The following KCNT2 variants were observed in gnomAD, a reference collection of about 807,000 sequenced individuals.
KCNT2 encodes potassium channel subfamily T member 2.
Under a neutral mutation model 153.8 loss-of-function variants are expected in KCNT2, and 67 were observed. That is an observed-to-expected ratio of 0.44 (90% confidence interval 0.36 to 0.53). KCNT2 has a LOEUF of 0.53. Ranked by LOEUF, KCNT2 falls within the 20% of genes least tolerant of loss-of-function variation. The probability of loss-of-function intolerance (pLI) is 0.00; values close to 1 mark genes in which losing one functional copy is unlikely to be tolerated. For missense variants in KCNT2, 975 were observed against 1,354.8 expected (o/e 0.72, Z 4.40); for synonymous variants, 500 against 458.8 (o/e 1.09, Z -1.15).
intron 25 of KCNT2, among the ~76,000 whole-genome samples, chr1:196,269,136 A>C (rs952226038): frequency 3.3e-5 from 5 of 152,292 alleles, no homozygotes; most frequent in Admixed American, 2.6e-4. Flanking sequence ...GGTACAAATA[A>C]AATTGTGTAA....
At chr1:196,480,027 C>T (rs909580681) in intron 4 of KCNT2, among the ~76,000 whole-genome samples, 2 of 152,272 alleles carry the variant, frequency 1.3e-5, no homozygotes, top group South Asian at 2.1e-4. Context: ...TATCTTCCTA[C>T]GTATCCTTTT....
chr1:196,488,915 T>C (rs1212865664), intron 3 of KCNT2, among the ~76,000 whole-genome samples: 1 of 151,956 alleles, frequency 6.6e-6, no homozygotes, highest in African/African-American at 2.4e-5. Context: ...GAGAGAAGTA[T>C]GTGGGAGAGC....
At position 196,429,763 on chromosome 1, in the gene KCNT2, G is replaced by A; in HGVS notation, c.639-6C>T. On this transcript the variant is annotated splice_polypyrimidine_tract_variant and splice_region_variant and intron_variant, in intron 8 of 27. Coordinates refer to ENST00000294725, the MANE Select transcript of KCNT2 (RefSeq NM_198503.5). ...GATGTTGGATCCCACAAATGCTAAAGAAACAAATATGCATTACAATTAAAT... is the reference window on the plus strand; with the variant it reads ...GATGTTGGATCCCACAAATGCTAAAAAAACAAATATGCATTACAATTAAAT... The A allele has an allele frequency of 6.3e-7, 1 of 1,577,848 alleles. No homozygotes were observed. The highest frequency in any genetic ancestry group is 1.2e-5 in the South Asian group (1 of 86,216).
intron 8 of KCNT2, among the ~76,000 whole-genome samples, chr1:196,455,736 T>G (rs1219587899): frequency 6.6e-6 from 1 of 151,994 alleles, no homozygotes; most frequent in Non-Finnish European, 1.5e-5. Context: ...ATTATTTTCT[T>G]TTATCTGCTT....
chr1:196,342,596 T>A (rs935833094), intron 14 of KCNT2, among the ~76,000 whole-genome samples: 4 of 151,458 alleles, frequency 2.6e-5, no homozygotes, highest in African/African-American at 7.3e-5. Context: ...ATCATGTATA[T>A]CTTCTAAAAT....
At chr1:196,607,603 C>T (rs926758367) in intron 1 of KCNT2, among the ~76,000 whole-genome samples, 1 of 152,104 alleles carries the variant, frequency 6.6e-6, no homozygotes, top group Non-Finnish European at 1.5e-5. Context: ...GTCAGAGTCA[C>T]CTGTTCAAAG....
At chr1:196,237,001 T>C (rs1455856548) in intron 26 of KCNT2, among the ~76,000 whole-genome samples, 4 of 151,652 alleles carry the variant, frequency 2.6e-5, no homozygotes, top group Non-Finnish European at 5.9e-5. Context: ...GGCACTGCAG[T>C]TGCAGACAAG....
intron 1 of KCNT2, among the ~76,000 whole-genome samples, chr1:196,573,699 G>A (rs1326907233): frequency 1.3e-5 from 2 of 151,890 alleles, no homozygotes; most frequent in African/African-American, 4.8e-5. Flanking sequence ...GAGGAGGGAA[G>A]GAAGGGAGCT....
intron 12 of KCNT2, among the ~76,000 whole-genome samples, chr1:196,402,490 A>G (rs1671499609): frequency 6.6e-6 from 1 of 151,570 alleles, no homozygotes; most frequent in African/African-American, 2.4e-5. Flanking sequence ...AAGAATGTGT[A>G]TTGTAATCCC....
chr1:196,290,482 T>TA (rs1349485329), intron 22 of KCNT2, among the ~76,000 whole-genome samples: 2 of 152,138 alleles, frequency 1.3e-5, no homozygotes, highest in East Asian at 3.9e-4. Flanking sequence ...CTTAAGGCTT[T>TA]ACAATTATAC....
intron 1 of KCNT2, among the ~76,000 whole-genome samples, chr1:196,551,256 T>A (rs1657860513): frequency 6.6e-6 from 1 of 151,846 alleles, no homozygotes; most frequent in Non-Finnish European, 1.5e-5. Context: ...ACAAAGGCAC[T>A]AAGTAGTATA....
At chr1:196,276,830 G>C (rs1365653154) in intron 25 of KCNT2, among the ~76,000 whole-genome samples, 1 of 151,986 alleles carries the variant, frequency 6.6e-6, no homozygotes, top group Non-Finnish European at 1.5e-5. Flanking sequence ...TATTGCTGTT[G>C]AGAAAACCCC....
chr1:196,287,630 A>G (rs1036215342), intron 22 of KCNT2, among the ~76,000 whole-genome samples: 5 of 152,076 alleles, frequency 3.3e-5, no homozygotes, highest in African/African-American at 1.2e-4. Context: ...AGCAACGCTA[A>G]TTAAAATTAA....
chr1:196,250,429 T>C (rs144507033), intron 26 of KCNT2, among the ~76,000 whole-genome samples: 1 of 152,294 alleles, frequency 6.6e-6, no homozygotes, highest in East Asian at 1.9e-4. Flanking sequence ...GATATCTATA[T>C]GTGGAAGAAT....
At chr1:196,608,030 T>C (rs1403421278) in intron 1 of KCNT2, among the ~76,000 whole-genome samples, 185 bp downstream of exon 1, 1 of 152,172 alleles carries the variant, frequency 6.6e-6, no homozygotes, top group Non-Finnish European at 1.5e-5. Flanking sequence ...GTTCCTTATC[T>C]ATAGCAACAG....
intron 1 of KCNT2, among the ~76,000 whole-genome samples, chr1:196,590,215 T>C (rs1383612213): frequency 3.9e-5 from 6 of 152,186 alleles, no homozygotes; most frequent in African/African-American, 1.4e-4. Context: ...CTTGCCAATC[T>C]TTACTTTTCC....
chr1:196,482,914 C>T (rs972287574), intron 3 of KCNT2, among the ~76,000 whole-genome samples: 9 of 151,964 alleles, frequency 5.9e-5, no homozygotes, highest in Non-Finnish European at 8.8e-5. Context: ...CATCTTTATT[C>T]CCTAAAAATG....
At chr1:196,600,545 G>A (rs1572943884) in intron 1 of KCNT2, among the ~76,000 whole-genome samples, 1 of 152,116 alleles carries the variant, frequency 6.6e-6, no homozygotes, top group African/African-American at 2.4e-5. Context: ...GATGTAGTTT[G>A]GTTGACGAAG....
rs1197303086 is a variant in KCNT2 at position 196,398,680 on chromosome 1, A to C, written c.1186-9T>G. 1 of 1,423,394 alleles carries C rather than the reference A, an allele frequency of 7.0e-7. No homozygotes were observed. The highest frequency in any genetic ancestry group is 9.8e-7 in the Non-Finnish European group (1 of 1,016,462). 88.2% of individuals were successfully genotyped at this position (1,423,394 alleles called of 1,614,324 possible). A position where few individuals can be genotyped will look rare whatever the true frequency, so the allele number is the denominator to read the frequency against. ...AAAATTGTTTGGTGATCCTGAAGTGATCAAAATAAAAACATCATAGCATAA... is the reference window on the plus strand; with the variant it reads ...AAAATTGTTTGGTGATCCTGAAGTGCTCAAAATAAAAACATCATAGCATAA... On this transcript the variant is annotated splice_polypyrimidine_tract_variant and intron_variant, in intron 12 of 27. Transcript: ENST00000294725.
Sources: gnomAD v4.1 joint callset for allele counts (sites outside exome capture counted in the v4.1 genomes callset) on GRCh38, gnomAD v4.1.1 for gene constraint, MANE v1.5 for transcripts, NCBI Gene and HGNC (gene_info 2026-07-23, HGNC 2026-07-21) for gene names.